CLSTN2: variants seen among roughly 807,000 people sequenced by gnomAD.
CLSTN2 encodes the protein calsyntenin-2.
CLSTN2 carries 48 observed loss-of-function variants against 101.2 expected under a neutral mutation model. The ratio of observed to expected loss-of-function variants is 0.47; its 90% CI spans 0.38 to 0.60. The LOEUF (loss-of-function observed/expected upper bound fraction) is 0.60, where lower values mean the gene tolerates loss of function less well. Ranked by LOEUF, CLSTN2 falls within the 20% of genes least tolerant of loss-of-function variation. The pLI is 0.00. For missense variants in CLSTN2, 1,160 were observed against 1,238.2 expected (o/e 0.94, Z 0.95); for synonymous variants, 481 against 463.6 (o/e 1.04, Z -0.48).
chr3:139,963,040 T>A (rs1935538386), intron 1 of CLSTN2, among the ~76,000 whole-genome samples: 1 of 152,174 alleles, frequency 6.6e-6, no homozygotes, highest in Admixed American at 6.5e-5. Flanking sequence ...CACATTAAAT[T>A]ATTTTAATTG....
chr3:140,085,147 A>T (rs2008659492), intron 1 of CLSTN2, among the ~76,000 whole-genome samples: 1 of 152,206 alleles, frequency 6.6e-6, no homozygotes. Flanking sequence ...TGCACATGTT[A>T]TGCATTATTC....
At chr3:140,286,851 G>A (rs1020954092) in intron 2 of CLSTN2, among the ~76,000 whole-genome samples, 5 of 152,122 alleles carry the variant, frequency 3.3e-5, no homozygotes, top group African/African-American at 1.2e-4. Flanking sequence ...GGGATAGGTG[G>A]GCTTTGTAGG....
In CLSTN2 at chr3:140,344,196, C is replaced by G. The variant is rs2087519067; in HGVS notation, c.233-59433C>G. 3.9e-5 allele frequency among the ~76,000 whole-genome samples: 6 copies of G among 152,196 alleles called. No homozygotes were observed. The South Asian group carries it at 1.2e-3, about 31-fold the overall frequency. ...TTACCCCTCCCATGTGTGTCATCAT[C>G]TGGAGTTTAGGCTGAGCTCAGTGGA... is the stretch of plus-strand genomic sequence containing the variant. On this transcript the variant is annotated intron_variant, in intron 2 of 16. Transcript: ENST00000458420.
intron 2 of CLSTN2, among the ~76,000 whole-genome samples, chr3:140,290,105 T>C (rs1380022010): frequency 6.6e-6 from 1 of 151,882 alleles, no homozygotes; most frequent in African/African-American, 2.4e-5. Context: ...CTAATAGGCA[T>C]CAGAAAAGAT....
intron 1 of CLSTN2, among the ~76,000 whole-genome samples, chr3:140,122,639 C>T (rs1459130061): frequency 3.3e-5 from 5 of 152,138 alleles, no homozygotes; most frequent in South Asian, 4.1e-4. Context: ...AAATCAGACA[C>T]GTGCAGAGAG....
chr3:140,565,513 C>T (rs565934988), intron 16 of CLSTN2, among the ~76,000 whole-genome samples: 1 of 152,272 alleles, frequency 6.6e-6, no homozygotes, highest in East Asian at 1.9e-4. Context: ...AGGGGGTGAG[C>T]AGCAAGCATG....
At chr3:140,037,710 C>A (rs1443268720) in intron 1 of CLSTN2, among the ~76,000 whole-genome samples, 1 of 152,170 alleles carries the variant, frequency 6.6e-6, no homozygotes, top group Non-Finnish European at 1.5e-5. Flanking sequence ...CCCGACCCCA[C>A]TGACTGGCCT....
At chr3:140,150,043 G>A (rs1036130918) in intron 1 of CLSTN2, among the ~76,000 whole-genome samples, 1 of 152,146 alleles carries the variant, frequency 6.6e-6, no homozygotes, top group Admixed American at 6.5e-5. Flanking sequence ...CTAGGATGAG[G>A]CATCACCCTT....
At chr3:140,296,011 T>C (rs2086999350) in intron 2 of CLSTN2, among the ~76,000 whole-genome samples, 1 of 152,246 alleles carries the variant, frequency 6.6e-6, no homozygotes, top group African/African-American at 2.4e-5. Context: ...ATATGTTGAA[T>C]AGCCCTCTCA....
At chr3:140,553,740 A>T (rs1935750216) in intron 10 of CLSTN2, among the ~76,000 whole-genome samples, 3 of 152,156 alleles carry the variant, frequency 2.0e-5, no homozygotes. Flanking sequence ...TCAGCTCAGA[A>T]TTGCCACACC....
intron 8 of CLSTN2, among the ~76,000 whole-genome samples, chr3:140,486,073 T>A (rs1229315883): frequency 6.6e-6 from 1 of 151,540 alleles, no homozygotes; most frequent in Non-Finnish European, 1.5e-5. Context: ...TGTTCCTATT[T>A]GGCCGTCTTG....
intron 9 of CLSTN2, among the ~76,000 whole-genome samples, chr3:140,538,757 G>A (rs1935409377): frequency 6.6e-6 from 1 of 152,216 alleles, no homozygotes; most frequent in Admixed American, 6.5e-5. Flanking sequence ...CATGCTAGCA[G>A]AGTCTGCCTT....
intron 1 of CLSTN2, among the ~76,000 whole-genome samples, chr3:139,938,314 C>G (rs1454228842): frequency 6.6e-6 from 1 of 152,196 alleles, no homozygotes; most frequent in Non-Finnish European, 1.5e-5. Flanking sequence ...GTGCTCCCAG[C>G]TTCAGTCTTG....
At chr3:140,254,231 T>C (rs2086586912) in intron 2 of CLSTN2, among the ~76,000 whole-genome samples, 1 of 152,146 alleles carries the variant, frequency 6.6e-6, no homozygotes, top group Non-Finnish European at 1.5e-5. Context: ...AATTTTTGCT[T>C]CCTGCAAGAA....
chr3:140,506,141 T>G (rs1040260056), intron 8 of CLSTN2: 7 of 152,218 alleles, frequency 4.6e-5, no homozygotes, highest in African/African-American at 1.7e-4. Flanking sequence ...GAGTTTTGTG[T>G]AATCACTCTC....
chr3:140,166,390 T>G (rs943417619), intron 1 of CLSTN2, among the ~76,000 whole-genome samples: 1 of 152,184 alleles, frequency 6.6e-6, no homozygotes, highest in African/African-American at 2.4e-5. Context: ...TACCAGAGTA[T>G]AGTTAACCTT....
intron 2 of CLSTN2, among the ~76,000 whole-genome samples, chr3:140,228,924 G>A (rs2086347492): frequency 6.6e-6 from 1 of 152,206 alleles, no homozygotes; most frequent in South Asian, 2.1e-4. Context: ...GATTTGGGTA[G>A]GAATACAGCC....
At chr3:140,249,272 A>G (rs932112470) in intron 2 of CLSTN2, among the ~76,000 whole-genome samples, 1 of 152,212 alleles carries the variant, frequency 6.6e-6, no homozygotes, top group Non-Finnish European at 1.5e-5. Flanking sequence ...AGCCTAGATG[A>G]AGATGAATGG....
chr3:140,283,348 T>G (rs2086866062), intron 2 of CLSTN2, among the ~76,000 whole-genome samples: 1 of 152,186 alleles, frequency 6.6e-6, no homozygotes, highest in Non-Finnish European at 1.5e-5. Context: ...TCGTACTTTT[T>G]CAGGTTGTAC....
Sources: allele counts gnomAD v4.1 joint callset (sites outside exome capture counted in the v4.1 genomes callset), GRCh38; gene constraint gnomAD v4.1.1; transcripts MANE v1.5; gene names NCBI Gene and HGNC (gene_info 2026-07-23, HGNC 2026-07-21).